RUVBL1: variants seen among roughly 807,000 people sequenced by gnomAD.
RUVBL1 encodes the protein ruvB-like 1.
Under a neutral mutation model 52.4 loss-of-function variants are expected in RUVBL1, and 4 were observed. The observed-to-expected ratio is 0.08, with a 90% confidence interval of 0.04 to 0.17. RUVBL1 has a LOEUF of 0.17. RUVBL1 is among the 10% of genes least tolerant of loss of function. The probability of loss-of-function intolerance (pLI) is 1.00; values close to 1 mark genes in which losing one functional copy is unlikely to be tolerated. For missense variants in RUVBL1, 298 were observed against 572.8 expected, an observed-to-expected ratio of 0.52 and a Z score of 4.90; for synonymous variants, 217 against 214.4, an observed-to-expected ratio of 1.01 and a Z score of -0.10.
At chr3:128,077,179 A>G (rs2107664693), downstream of RUVBL1, among the ~76,000 whole-genome samples, 1 of 152,098 alleles carries the variant, frequency 6.6e-6, no homozygotes, top group South Asian at 2.1e-4. Flanking sequence ...CCTGGCCATT[A>G]ATCACCGTGC....
chr3:128,128,007 A>AATAAATAC (rs71615967), upstream of RUVBL1, among the ~76,000 whole-genome samples: 9 of 148,886 alleles, frequency 6.0e-5, no homozygotes, highest in African/African-American at 2.2e-4. Context: ...AAAAATAATA[A>AATAAATAC]ATACATACAT....
intron 8 of RUVBL1, among the ~76,000 whole-genome samples, chr3:128,088,092 T>C (rs1942706521): frequency 4.0e-5 from 6 of 151,790 alleles, no homozygotes; most frequent in Admixed American, 3.9e-4. Context: ...TGAAACCCCG[T>C]CTCTACTAAA....
In RUVBL1 at chr3:128,133,215, G is replaced by A. The variant is rs139755336; in HGVS notation, c.-39-13801C>T. 1.2e-4 allele frequency among the ~76,000 whole-genome samples: 19 copies of A among 152,250 alleles called. No homozygotes were observed. The East Asian group carries it at 2.7e-3, about 22-fold the overall frequency. On this transcript the variant is annotated intron_variant, in intron 1 of 9. Coordinates refer to the RUVBL1 transcript ENST00000464873. ...TGTATTGCGGTTTGGGCACCAGCTC[G>A]GCTACAGTAGACTAGAGCACCAAAT...
chr3:128,087,897 G>A (rs1258270345), intron 8 of RUVBL1, 89 bp from the exon 9 acceptor site: 1 of 925,830 alleles, frequency 1.1e-6, no homozygotes, highest in Non-Finnish European at 1.7e-6. Context: ...CACACCACAA[G>A]CAGCTGGCTA....
At chr3:128,083,423 T>A (rs1942540664) in intron 9 of RUVBL1, 1 of 151,890 alleles carries the variant, frequency 6.6e-6, no homozygotes, top group Admixed American at 6.6e-5. Context: ...AAAGACTGAG[T>A]CCCAGCTTCA....
Position 128,098,760 on chromosome 3 carries a change from GA to G in RUVBL1, c.817+121del. 4.9e-6 allele frequency: 4 copies of G among 819,658 alleles called. No homozygotes were observed. In the South Asian group the frequency reaches 5.9e-5, roughly 12 times the overall value. The allele number at this position is 819,658 out of a possible 1,614,324, so 50.8% of individuals were successfully genotyped here. A position where few individuals can be genotyped will look rare whatever the true frequency, so the allele number is the denominator to read the frequency against. On this transcript the variant is annotated intron_variant, in intron 7 of 10. Coordinates refer to ENST00000322623, the MANE Select transcript of RUVBL1 (RefSeq NM_003707.3). ...CTAGAGTCAAGCTCTAAGCTATGAG[GA>G]AGAAAGAACTGTTCTGAGGCATTTC...
At chr3:128,113,070 A>C (rs369660491) in intron 2 of RUVBL1, 50 bp from the exon 3 acceptor site, 139 of 1,600,092 alleles carry the variant, frequency 8.7e-5, no homozygotes, top group Middle Eastern at 8.3e-4. Context: ...AAAACATGAC[A>C]GTTCAGAAAC....
intron 1 of RUVBL1, among the ~76,000 whole-genome samples, chr3:128,150,766 A>C (rs1301161366): frequency 2.8e-5 from 3 of 106,934 alleles, no homozygotes; most frequent in East Asian, 2.4e-4. Flanking sequence ...TATATATTCT[A>C]TATATTATAT....
intron 9 of RUVBL1, chr3:128,085,263 CAG>C (rs1942610622): frequency 6.6e-6 from 1 of 152,270 alleles, no homozygotes; most frequent in African/African-American, 2.4e-5. Flanking sequence ...TTCCATTTAA[CAG>C]AGAAGGTGAA....
Position 128,082,717 on chromosome 3 carries a change from C to T in RUVBL1, c.1120-143G>A, listed in dbSNP as rs920883221. On this transcript the variant is annotated intron_variant, in intron 9 of 10. Transcript: ENST00000322623. This position sits in a 1 kb window ranked among gnomAD's most constrained non-coding sequence, Gnocchi z 4.7. ...CCTGGGTTGGTGGGCAGGGAGCCAA[C>T]GCCTGCCCAGCACTGCCGGCCCGGC... The T allele has an allele frequency of 2.7e-5, 18 of 672,540 alleles. No homozygotes were observed. Among genetic ancestry groups the T allele is most frequent in the Middle Eastern group, 3.5e-4 (1 of 2,880 alleles). The allele number at this position is 672,540 out of a possible 1,614,324, so 41.7% of individuals were successfully genotyped here.
chr3:128,078,183 G>A (rs1182408262), downstream of RUVBL1, among the ~76,000 whole-genome samples: 4 of 152,204 alleles, frequency 2.6e-5, no homozygotes, highest in Non-Finnish European at 4.4e-5. Context: ...TCGACTGGGA[G>A]TGCAACCCCA....
At chr3:128,076,667 C>T (rs1412822852), downstream of RUVBL1, among the ~76,000 whole-genome samples, 3 of 151,910 alleles carry the variant, frequency 2.0e-5, no homozygotes, top group Non-Finnish European at 2.9e-5. The surrounding 1 kb of genome is among the most constrained non-coding windows in gnomAD (Gnocchi z 6.8). Context: ...TCACTCAGGC[C>T]CTTGTGTCAC....
intron 8 of RUVBL1, 37 bp downstream of exon 8, chr3:128,097,263 T>A: frequency 6.3e-7 from 1 of 1,591,834 alleles, no homozygotes; most frequent in South Asian, 1.1e-5. Context: ...CAGATGGAAG[T>A]TAAAAAAGCC....
intron 1 of RUVBL1, among the ~76,000 whole-genome samples, chr3:128,141,698 A>G (rs1056119946): frequency 5.9e-5 from 9 of 151,978 alleles, no homozygotes; most frequent in African/African-American, 2.2e-4. Flanking sequence ...GTTTCACCAT[A>G]TTGGTCAGGC....
intron 1 of RUVBL1, among the ~76,000 whole-genome samples, chr3:128,131,997 G>A (rs1001953372): frequency 6.6e-6 from 1 of 152,194 alleles, no homozygotes; most frequent in Non-Finnish European, 1.5e-5. Flanking sequence ...GCACTAAAGA[G>A]AGTAGGAAAG....
intron 4 of RUVBL1, among the ~76,000 whole-genome samples, 173 bp downstream of exon 4, chr3:128,104,600 G>A (rs918893078): frequency 6.6e-6 from 1 of 152,156 alleles, no homozygotes; most frequent in African/African-American, 2.4e-5. Flanking sequence ...CTATGTGCAA[G>A]CCCTATGCTA....
At chr3:128,125,737 G>C (rs769038464), upstream of RUVBL1, among the ~76,000 whole-genome samples, 42 of 152,232 alleles carry the variant, frequency 2.8e-4, no homozygotes, top group South Asian at 4.1e-4. Flanking sequence ...GTTGTTACTA[G>C]GGCATGTGGT....
chr3:128,145,210 A>G (rs1381619066), intron 1 of RUVBL1, among the ~76,000 whole-genome samples: 1 of 152,268 alleles, frequency 6.6e-6, no homozygotes, highest in East Asian at 1.9e-4. Context: ...AGACATACCA[A>G]TTCATATAAT....
intron 1 of RUVBL1, among the ~76,000 whole-genome samples, chr3:128,121,910 T>C (rs1292827430): frequency 6.6e-6 from 1 of 152,148 alleles, no homozygotes; most frequent in Non-Finnish European, 1.5e-5. Context: ...TCAGGTGAGA[T>C]AAGCTTGAAT....
Sources: allele counts gnomAD v4.1 joint callset (sites outside exome capture counted in the v4.1 genomes callset), GRCh38; gene constraint gnomAD v4.1.1; non-coding constraint Gnocchi (gnomAD v3.1); transcripts MANE v1.5; gene names NCBI Gene and HGNC (gene_info 2026-07-23, HGNC 2026-07-21).